Variants in NOD1 observed in about 807,000 individuals in gnomAD.
NOD1 encodes nucleotide-binding oligomerization domain-containing protein 1.
In NOD1, 70 loss-of-function variants were observed where a neutral mutation model predicts 81.2. That is an observed-to-expected ratio of 0.86 (90% CI 0.71 to 1.05). The LOEUF is 1.05. NOD1 is among the 50% of genes least tolerant of loss of function. The pLI is 0.00. For missense variants in NOD1, 1,233 were observed against 1,228.0 expected, an observed-to-expected ratio of 1.00 and a Z score of -0.06; for synonymous variants, 508 against 526.9, an observed-to-expected ratio of 0.96 and a Z score of 0.49.
At position 30,452,919 on chromosome 7, in the gene NOD1, C is replaced by T; in HGVS notation, c.498G>A (p.Leu166=). 7.4e-6 allele frequency: 12 copies of T among 1,614,032 alleles called. No homozygotes were observed. The highest frequency in any genetic ancestry group is 1.0e-5 in the Non-Finnish European group (12 of 1,180,034). The stretch of plus-strand genomic sequence containing the variant: ...CCAGGCTCTCATTGCTGAAGCCAAC[C>T]AGCTCCATGATGGTGTCCATGTAGA... ...EEIYMDTIME[L]VGFSNESLGS... The change falls in exon 6 of 14, where the codon CTG becomes CTA. Residue 166 remains leucine (L), a synonymous_variant. Coordinates refer to ENST00000222823, the MANE Select transcript of NOD1 (RefSeq NM_006092.4).
At chr7:30,476,940 T>G (rs1405921283) in intron 1 of NOD1, among the ~76,000 whole-genome samples, 3 of 152,200 alleles carry the variant, frequency 2.0e-5, no homozygotes, top group Non-Finnish European at 4.4e-5. Context: ...GCCACTCCAG[T>G]GTCTAATAAC....
At chr7:30,430,548 G>T (rs1161397254) in intron 12 of NOD1, among the ~76,000 whole-genome samples, 1 of 152,228 alleles carries the variant, frequency 6.6e-6, no homozygotes, top group Non-Finnish European at 1.5e-5. Context: ...ATGCTGTCAT[G>T]AATGAAGAGG....
chr7:30,446,101 C>G (rs1785049514), intron 9 of NOD1, 40 bp downstream of exon 9: 4 of 1,469,642 alleles, frequency 2.7e-6, no homozygotes, highest in Non-Finnish European at 1.9e-6. Context: ...CCCACACACA[C>G]AGCAGGTTGT....
At position 30,452,142 on chromosome 7, in the gene NOD1, G is replaced by A. The variant is rs374080847; in HGVS notation, c.1275C>T (p.Phe425=). 3.7e-6 allele frequency: 6 copies of A among 1,614,024 alleles called. No homozygotes were observed. The highest frequency in any genetic ancestry group is 5.1e-6 in the Non-Finnish European group (6 of 1,180,040). The part of the protein sequence containing the change: ...PDCTMTLTDV[F]LLVTEVHLNR... ...TCAGATGGACCTCAGTGACCAGGAG[G>A]AAGACATCTGTCAGGGTCATCGTGC... The change falls in exon 6 of 14, where the codon TTC becomes TTT. Residue 425 remains phenylalanine, a synonymous_variant. Coordinates refer to ENST00000222823, the MANE Select transcript of NOD1 (RefSeq NM_006092.4).
At position 30,429,429 on chromosome 7, in the gene NOD1, C is replaced by A. The variant is rs1783752300; in HGVS notation, c.2734G>T (p.Gly912Trp). Residue 912 changes from glycine to tryptophan, a missense_variant, in exon 13 of 14, where the codon GGG becomes TGG. Physicochemically the swap from Gly to Trp is radical, Grantham distance 184. Transcript: ENST00000222823. Reference protein sequence around the residue: ...WLIQNQITAKGTAQLADALQS... With the variant: ...WLIQNQITAKWTAQLADALQS... Reference sequence around the variant, plus strand: ...AACGCATCTGCCAGCTGGGCAGTCCCCTTAGCTGTGATCTGATTCTGGATA... The same window carrying A: ...AACGCATCTGCCAGCTGGGCAGTCCACTTAGCTGTGATCTGATTCTGGATA... 6.2e-7 allele frequency: 1 copy of A among 1,614,106 alleles called. No homozygotes were observed. The highest frequency in any genetic ancestry group is 8.5e-7 in the Non-Finnish European group (1 of 1,179,968).
intron 11 of NOD1, 166 bp from the exon 12 acceptor site, chr7:30,433,345 CAGA>C (rs1234263975): frequency 8.3e-6 from 5 of 603,206 alleles, no homozygotes; most frequent in African/African-American, 5.6e-5. Context: ...GTCAGCCCCA[CAGA>C]AGGTCAATGG....
chr7:30,453,947 G>A (rs1482387950), intron 5 of NOD1, among the ~76,000 whole-genome samples: 4 of 152,246 alleles, frequency 2.6e-5, no homozygotes, highest in Non-Finnish European at 4.4e-5. Flanking sequence ...CACTGTAAAA[G>A]CTAGTAAAGT....
chr7:30,451,255 C>T lies in NOD1; in HGVS notation c.2162G>A (p.Arg721Gln), dbSNP rs960233866. The change falls in exon 6 of 14, where the codon CGG becomes CAG. Residue 721 changes from arginine (R) to glutamine (Q), a missense_variant. Arg to Gln is a conservative substitution (Grantham distance 43). Transcript: ENST00000222823. The surrounding 1 kb of genome is among the most constrained non-coding windows in gnomAD (Gnocchi z 4.2). ...GCGGCTGAAGCAGGGCTGCAGCTCCCGCACGCCGTAGTCGTTGAGATTGTT... is the reference window on the plus strand; with the variant it reads ...GCGGCTGAAGCAGGGCTGCAGCTCCTGCACGCCGTAGTCGTTGAGATTGTT... ...DNNNLNDYGV[R>Q]ELQPCFSRLT... is the part of the protein sequence containing the mutation. 28 of 1,613,848 alleles carry T rather than the reference C, an allele frequency of 1.7e-5. No homozygotes were observed. The highest frequency in any genetic ancestry group is 1.6e-4 in the Middle Eastern group (1 of 6,084).
At chr7:30,436,770 G>C (rs1784417822) in intron 10 of NOD1, among the ~76,000 whole-genome samples, 1 of 152,212 alleles carries the variant, frequency 6.6e-6, no homozygotes, top group South Asian at 2.1e-4. Flanking sequence ...TGGTTGGCTG[G>C]TGTGGGACAC....
chr7:30,470,675 G>T (rs970454121), intron 1 of NOD1, among the ~76,000 whole-genome samples: 20 of 152,164 alleles, frequency 1.3e-4, no homozygotes, highest in African/African-American at 4.8e-4. Flanking sequence ...TTGCCTGTGC[G>T]ACCACTTGGT....
intron 5 of NOD1, among the ~76,000 whole-genome samples, chr7:30,454,211 T>G (rs144770950): frequency 9.9e-4 from 151 of 152,314 alleles, no homozygotes; most frequent in Non-Finnish European, 1.8e-3. Context: ...CATATTGGAT[T>G]CTTTAAAAGG....
At chr7:30,437,763 T>C in intron 9 of NOD1, 107 bp from the exon 10 acceptor site, 1 of 714,046 alleles carries the variant, frequency 1.4e-6, no homozygotes, top group East Asian at 3.4e-5. Flanking sequence ...AACAGGCAGA[T>C]GTTTGTGCCC....
At chr7:30,450,759 A>G (rs1279993231) in intron 6 of NOD1, among the ~76,000 whole-genome samples, 3 of 152,190 alleles carry the variant, frequency 2.0e-5, no homozygotes, top group Non-Finnish European at 4.4e-5. Flanking sequence ...TGGCACTGCT[A>G]TGTCTGAGCT....
chr7:30,437,549 TG>T, intron 10 of NOD1, 23 bp downstream of exon 10: 1 of 1,470,404 alleles, frequency 6.8e-7, no homozygotes, highest in Non-Finnish European at 9.0e-7. Context: ...GGTTGGCCCC[TG>T]GAGACAGCAG....
At chr7:30,446,328 C>T in intron 8 of NOD1, 104 bp from the exon 9 acceptor site, 1 of 862,950 alleles carries the variant, frequency 1.2e-6, no homozygotes, top group African/African-American at 1.6e-5. Context: ...ATCTTGGGAA[C>T]CGTACACTTT....
chr7:30,431,766 C>T (rs1281013444), intron 12 of NOD1, among the ~76,000 whole-genome samples: 1 of 152,134 alleles, frequency 6.6e-6, no homozygotes, highest in African/African-American at 2.4e-5. Context: ...ACTGAAAGCA[C>T]AAGCAACCAA....
rs75437212 is a variant in NOD1 at position 30,438,418 on chromosome 7, G to A, written c.2454-762C>T. Among the ~76,000 whole-genome samples, 447 of 152,316 alleles carry A rather than the reference G, an allele frequency of 2.9e-3. 1 individual carries two copies. Among genetic ancestry groups the A allele is most frequent in the African/African-American group, 0.01 (430 of 41,550 alleles). ...AAAATGGGGATAATTAGAGCATTCC[G>A]TCATGGAGTTGTGAGGATTCACTGA... On this transcript the variant is annotated intron_variant, in intron 9 of 13. Coordinates refer to ENST00000222823, the MANE Select transcript of NOD1 (RefSeq NM_006092.4).
chr7:30,449,358 T>G (rs182057381), intron 6 of NOD1, among the ~76,000 whole-genome samples: 37 of 152,278 alleles, frequency 2.4e-4, no homozygotes, highest in African/African-American at 8.7e-4. Context: ...AGCAATAGAT[T>G]CCCCCATCTT....
chr7:30,470,932 A>G (rs1247686383), intron 1 of NOD1, among the ~76,000 whole-genome samples: 1 of 152,184 alleles, frequency 6.6e-6, no homozygotes, highest in African/African-American at 2.4e-5. Context: ...TGGAAGCTGG[A>G]GGACATCTGG....
Sources: allele counts gnomAD v4.1 joint callset (sites outside exome capture counted in the v4.1 genomes callset), GRCh38; gene constraint gnomAD v4.1.1; non-coding constraint Gnocchi (gnomAD v3.1); transcripts MANE v1.5; gene names NCBI Gene and HGNC (gene_info 2026-07-23, HGNC 2026-07-21).